The following ACAP2 variants were observed in gnomAD, a reference collection of about 807,000 sequenced individuals.
The protein encoded by ACAP2 is arf-GAP with coiled-coil, ANK repeat and PH domain-containing protein 2.
ACAP2 carries 39 observed loss-of-function variants against 115.8 expected under a neutral mutation model. The observed-to-expected ratio is 0.34, with a 90% CI of 0.26 to 0.44. The LOEUF is 0.44. ACAP2 is among the 20% of genes least tolerant of loss of function. The pLI is 1.00. For synonymous variants in ACAP2, 289 were observed against 315.8 expected (o/e 0.92, Z 0.90); for missense variants, 662 against 927.6 (o/e 0.71, Z 3.72).
chr3:195,423,366 T>C (rs1260368121), intron 1 of ACAP2, among the ~76,000 whole-genome samples: 1 of 152,162 alleles, frequency 6.6e-6, no homozygotes, highest in Non-Finnish European at 1.5e-5. Flanking sequence ...CTCATGCCTC[T>C]AATCCCAGCA....
At position 195,278,245 on chromosome 3, in the gene ACAP2, G is replaced by T. The variant is rs114325690; in HGVS notation, c.*1083C>A. ...AACCGAATACTAAAGCTATATACAC[G>T]ATATAATTTAAAAGAATGTACACTG... On this transcript the variant is annotated 3_prime_UTR_variant, in exon 23 of 23. Transcript: ENST00000326793. The T allele has an allele frequency of 6.6e-6, 1 of 151,978 alleles. No homozygotes were observed. Among genetic ancestry groups the T allele is most frequent in the African/African-American group, 2.4e-5 (1 of 41,360 alleles). 9.4% of individuals were successfully genotyped at this position (151,978 alleles called of 1,614,324 possible). A position where few individuals can be genotyped will look rare whatever the true frequency, so the allele number is the denominator to read the frequency against.
chr3:195,389,641 A>G (rs1198749692), intron 2 of ACAP2, among the ~76,000 whole-genome samples: 2 of 152,232 alleles, frequency 1.3e-5, no homozygotes, highest in East Asian at 3.8e-4. Flanking sequence ...TTTGTTTTAA[A>G]GAGTACTTGA....
At position 195,327,948 on chromosome 3, in the gene ACAP2, A is replaced by T. The variant is rs1560247574; in HGVS notation, c.670-989T>A. The stretch of plus-strand genomic sequence containing the variant: ...TCCATCAGCCCTCCACCAAAAAAAA[A>T]TATATATATATGTATATATATAACC... On this transcript the variant is annotated intron_variant, in intron 8 of 22. Coordinates refer to ENST00000326793, the MANE Select transcript of ACAP2 (RefSeq NM_012287.6). 6.6e-5 allele frequency among the ~76,000 whole-genome samples: 10 copies of T among 151,708 alleles called. No individual in the cohort carries two copies. The South Asian group carries it at 2.1e-3, about 32-fold the overall frequency.
At chr3:195,343,554 G>A (rs1219274367) in intron 5 of ACAP2, among the ~76,000 whole-genome samples, 1 of 152,160 alleles carries the variant, frequency 6.6e-6, no homozygotes, top group African/African-American at 2.4e-5. Context: ...TGCCTTTCAA[G>A]CAGCTGGGAC....
In ACAP2 at chr3:195,350,253, T is replaced by C. The variant is rs560355504; in HGVS notation, c.286-4936A>G. Among the ~76,000 whole-genome samples the C allele has an allele frequency of 2.0e-5, 3 of 152,272 alleles. No individual in the cohort carries two copies. The South Asian group carries it at 6.2e-4, about 32-fold the overall frequency. The stretch of plus-strand genomic sequence containing the variant: ...AAGTTATATGAAAACATAAAGGACC[T>C]AGAATAGCCAAAATAACTTTGAAAA... On this transcript the variant is annotated intron_variant, in intron 4 of 22. Coordinates refer to ENST00000326793, the MANE Select transcript of ACAP2 (RefSeq NM_012287.6).
chr3:195,422,975 C>T (rs1169809668), intron 1 of ACAP2, among the ~76,000 whole-genome samples: 4 of 152,104 alleles, frequency 2.6e-5, no homozygotes, highest in Non-Finnish European at 4.4e-5. Flanking sequence ...AAGCAACCCA[C>T]TCCATGAACC....
At chr3:195,371,218 C>G (rs1333548858) in intron 4 of ACAP2, among the ~76,000 whole-genome samples, 1 of 152,040 alleles carries the variant, frequency 6.6e-6, no homozygotes, top group Non-Finnish European at 1.5e-5. Context: ...TCCATTTGTG[C>G]CATCTCTGAT....
chr3:195,428,136 T>C lies in ACAP2; in HGVS notation c.53+14659A>G, dbSNP rs138613015. 1.5e-4 allele frequency among the ~76,000 whole-genome samples: 23 copies of C among 151,898 alleles called. No homozygotes were observed. The East Asian group carries it at 4.3e-3, about 28-fold the overall frequency. On this transcript the variant is annotated intron_variant, in intron 1 of 22. Coordinates refer to ENST00000326793, the MANE Select transcript of ACAP2 (RefSeq NM_012287.6). The stretch of plus-strand genomic sequence containing the variant: ...GCAGTATTATGTCATAACAACTTAA[T>C]AGAATATATGACACAATCTGTTGTT...
intron 6 of ACAP2, among the ~76,000 whole-genome samples, chr3:195,339,954 T>G (rs1730760009): frequency 6.6e-6 from 1 of 151,368 alleles, no homozygotes; most frequent in African/African-American, 2.4e-5. Context: ...AATAAATGCG[T>G]AAGTAGTCTA....
At chr3:195,440,704 T>C (rs1197064312) in intron 1 of ACAP2, among the ~76,000 whole-genome samples, 1 of 152,238 alleles carries the variant, frequency 6.6e-6, no homozygotes, top group Non-Finnish European at 1.5e-5. Flanking sequence ...TTCTCAAATA[T>C]TCTTTTCAAA....
At chr3:195,285,947 G>T (rs1726818302) in intron 21 of ACAP2, 90 bp from the exon 22 acceptor site, 4 of 920,686 alleles carry the variant, frequency 4.3e-6, no homozygotes, top group Non-Finnish European at 6.3e-6. Context: ...ATGTACTAAT[G>T]TAATTGTGTT....
intron 11 of ACAP2, among the ~76,000 whole-genome samples, chr3:195,308,447 C>T (rs548117904): frequency 6.6e-6 from 1 of 152,068 alleles, no homozygotes; most frequent in South Asian, 2.1e-4. Flanking sequence ...GATCATCACA[C>T]GTTGTATACA....
intron 1 of ACAP2, chr3:195,442,407 G>T: frequency 3.3e-6 from 1 of 303,890 alleles, no homozygotes. Flanking sequence ...AAACCAAGAA[G>T]GGGCGGAAGG....
At chr3:195,414,215 A>C (rs1194125923) in intron 1 of ACAP2, among the ~76,000 whole-genome samples, 1 of 152,224 alleles carries the variant, frequency 6.6e-6, no homozygotes, top group Non-Finnish European at 1.5e-5. Flanking sequence ...CTGATGGGAA[A>C]GAAAAATTGC....
intron 2 of ACAP2, 147 bp downstream of exon 2, chr3:195,391,943 T>G: frequency 6.7e-6 from 4 of 595,806 alleles, no homozygotes; most frequent in Non-Finnish European, 1.2e-5. Flanking sequence ...TGCAGTGAGC[T>G]GAGATCATGC....
At chr3:195,362,157 T>C (rs775582572) in intron 4 of ACAP2, among the ~76,000 whole-genome samples, 8 of 151,680 alleles carry the variant, frequency 5.3e-5, no homozygotes, top group Admixed American at 3.9e-4. Flanking sequence ...CTACTAAAAA[T>C]ACAAAAAAAT....
intron 1 of ACAP2, among the ~76,000 whole-genome samples, chr3:195,428,510 C>G (rs1043732599): frequency 6.6e-6 from 1 of 151,954 alleles, no homozygotes; most frequent in Non-Finnish European, 1.5e-5. Flanking sequence ...TACACAAATG[C>G]CACTGTGTTA....
In ACAP2 at chr3:195,442,989, TAGC is replaced by T; in HGVS notation, c.-145_-143del. 1 of 680,232 alleles carries T rather than the reference TAGC, an allele frequency of 1.5e-6. No individual in the cohort carries two copies. Among genetic ancestry groups the T allele is most frequent in the East Asian group, 3.4e-5 (1 of 29,412 alleles). 42.1% of individuals were successfully genotyped at this position (680,232 alleles called of 1,614,324 possible). A position where few individuals can be genotyped will look rare whatever the true frequency, so the allele number is the denominator to read the frequency against. ...CGAAGGGCGCCTCGCCCGCTGGTCA[TAGC>T]AGCCGCGAAGACGGCGACGACTAGT... is the stretch of plus-strand genomic sequence containing the variant. On this transcript the variant is annotated 5_prime_UTR_variant, in exon 1 of 23. Transcript: ENST00000326793.
intron 8 of ACAP2, among the ~76,000 whole-genome samples, chr3:195,329,122 G>C (rs1359031010): frequency 6.6e-6 from 1 of 151,788 alleles, no homozygotes; most frequent in African/African-American, 2.4e-5. Flanking sequence ...AATGTCTCTT[G>C]CATCTCTAAC....
Sources: gnomAD v4.1 joint callset for allele counts (sites outside exome capture counted in the v4.1 genomes callset) on GRCh38, gnomAD v4.1.1 for gene constraint, MANE v1.5 for transcripts, NCBI Gene and HGNC (gene_info 2026-07-23, HGNC 2026-07-21) for gene names.